Variants in SAMD5 observed in about 807,000 individuals in gnomAD.
The protein encoded by SAMD5 is sterile alpha motif domain containing 5, also known as sterile alpha motif domain-containing protein 5.
A neutral mutation model predicts 11.3 loss-of-function variants in SAMD5; 13 were observed. That is an observed-to-expected ratio of 1.15 (90% CI 0.75 to 1.83). The LOEUF is 1.83. Ranked by LOEUF, SAMD5 falls within the 40% of genes most tolerant of loss-of-function variation. The pLI, the probability that SAMD5 is intolerant of heterozygous loss-of-function variation, is 0.00. For missense variants in SAMD5, 255 were observed against 239.1 expected (o/e 1.07, Z -0.44); for synonymous variants, 129 against 111.3 (o/e 1.16, Z -1.00).
chr6:147,753,093 A>T, the SAMD5 span, among the ~76,000 whole-genome samples: 2 of 152,238 alleles, frequency 1.3e-5, no homozygotes, highest in African/African-American at 4.8e-5. Context: ...TTGACAAAGA[A>T]ACATAACAGT....
chr6:147,925,524 T>G, the SAMD5 span, among the ~76,000 whole-genome samples: 1 of 152,014 alleles, frequency 6.6e-6, no homozygotes, highest in Non-Finnish European at 1.5e-5. Context: ...TCTAGTATCC[T>G]GGTTGTTGTC....
the SAMD5 span, among the ~76,000 whole-genome samples, chr6:147,949,243 G>A: frequency 1.3e-5 from 2 of 152,130 alleles, no homozygotes; most frequent in African/African-American, 4.8e-5. Context: ...AAGGCCAGGG[G>A]CTACTTAGTT....
chr6:147,509,445 C>G (rs1788054156), intron 1 of SAMD5, 58 bp downstream of exon 1: 1 of 1,444,774 alleles, frequency 6.9e-7, no homozygotes, highest in Non-Finnish European at 9.2e-7. Flanking sequence ...CACAGCCCAG[C>G]TGCCTGTGCC....
the SAMD5 span, among the ~76,000 whole-genome samples, chr6:147,881,881 A>G: frequency 0.016 from 2,381 of 152,298 alleles, 55 homozygotes; most frequent in African/African-American, 0.055. Flanking sequence ...TCGATGTGAG[A>G]AACTACCACA....
chr6:147,914,158 CTTTT>C, the SAMD5 span, among the ~76,000 whole-genome samples: 10 of 132,356 alleles, frequency 7.6e-5, no homozygotes, highest in Non-Finnish European at 6.5e-5. Flanking sequence ...GTTTTTGCGA[CTTTT>C]TTTTTTTTTT....
At chr6:147,823,758 G>A in the SAMD5 span, among the ~76,000 whole-genome samples, 3 of 152,088 alleles carry the variant, frequency 2.0e-5, no homozygotes, top group African/African-American at 7.2e-5. Flanking sequence ...TCCACCATGA[G>A]CATTTAAGTA....
the SAMD5 span, among the ~76,000 whole-genome samples, chr6:147,836,466 G>A: frequency 1.3e-4 from 20 of 152,152 alleles, no homozygotes; most frequent in African/African-American, 4.8e-4. Context: ...AAACATCGCA[G>A]CTTATCCTGG....
chr6:147,862,391 T>C, the SAMD5 span, among the ~76,000 whole-genome samples: 1 of 152,174 alleles, frequency 6.6e-6, no homozygotes, highest in Non-Finnish European at 1.5e-5. Flanking sequence ...TTATCAGTTC[T>C]CTTGATTGAG....
At chr6:147,781,336 T>C in the SAMD5 span, among the ~76,000 whole-genome samples, 9 of 151,934 alleles carry the variant, frequency 5.9e-5, no homozygotes, top group South Asian at 1.5e-3. Flanking sequence ...AAAAAAAAAA[T>C]TGTAGAGACA....
At chr6:147,633,522 G>C (rs1456667189) in intron 1 of SAMD5, among the ~76,000 whole-genome samples, 2 of 152,240 alleles carry the variant, frequency 1.3e-5, no homozygotes, top group East Asian at 3.9e-4. Context: ...GAGGGAGGAA[G>C]CTTATACCAC....
At chr6:147,887,890 G>A in the SAMD5 span, among the ~76,000 whole-genome samples, 6 of 152,204 alleles carry the variant, frequency 3.9e-5, no homozygotes, top group South Asian at 2.1e-4. Flanking sequence ...ATCTCATTGC[G>A]ATTTTAATTT....
At chr6:147,632,049 G>A (rs1790159320) in intron 1 of SAMD5, among the ~76,000 whole-genome samples, 2 of 152,206 alleles carry the variant, frequency 1.3e-5, no homozygotes, top group South Asian at 2.1e-4. Context: ...ATAGGTGGAA[G>A]TTTCAGTGGG....
chr6:147,564,755 C>G lies in SAMD5; in HGVS notation c.*299C>G, dbSNP rs2128444592. ...ATTTCTTGGCATTCTCCCTTCCATT[C>G]TTAATGAAAACAGATGAGGTTGGCT... is the stretch of plus-strand genomic sequence containing the variant. On this transcript the variant is annotated 3_prime_UTR_variant, in exon 2 of 2. Transcript: ENST00000367474. 9.6e-7 allele frequency: 1 copy of G among 1,044,572 alleles called. No homozygotes were observed. The allele number at this position is 1,044,572 out of a possible 1,614,324, so 64.7% of individuals were successfully genotyped here.
chr6:147,642,208 G>C (rs570225067), intron 1 of SAMD5, among the ~76,000 whole-genome samples: 2 of 152,270 alleles, frequency 1.3e-5, no homozygotes, highest in East Asian at 3.9e-4. Flanking sequence ...TCTGTTTTAA[G>C]AAGTCCATTT....
At chr6:147,918,114 A>T in the SAMD5 span, among the ~76,000 whole-genome samples, 84 of 152,158 alleles carry the variant, frequency 5.5e-4, no homozygotes, top group African/African-American at 1.9e-3. Flanking sequence ...TGATAGCTTG[A>T]TGGGGATGGC....
intron 1 of SAMD5, among the ~76,000 whole-genome samples, chr6:147,682,543 A>G (rs977020184): frequency 1.3e-5 from 2 of 152,256 alleles, no homozygotes; most frequent in Admixed American, 6.5e-5. Flanking sequence ...AGCTGTATGT[A>G]TGGTAAGGAG....
At chr6:147,594,690 G>C (rs921404742) in intron 1 of SAMD5, among the ~76,000 whole-genome samples, 4 of 152,132 alleles carry the variant, frequency 2.6e-5, no homozygotes, top group African/African-American at 9.7e-5. Context: ...AGCTTTACTT[G>C]GGGAAGATAA....
intron 1 of SAMD5, among the ~76,000 whole-genome samples, chr6:147,523,671 A>C (rs995033191): frequency 1.3e-5 from 2 of 152,236 alleles, no homozygotes; most frequent in African/African-American, 4.8e-5. Flanking sequence ...CTTTATGAAG[A>C]GAAAAGATTT....
intron 1 of SAMD5, among the ~76,000 whole-genome samples, chr6:147,730,957 A>T (rs998823914): frequency 7.2e-5 from 11 of 152,148 alleles, no homozygotes; most frequent in Non-Finnish European, 1.6e-4. Flanking sequence ...AGGAGCAAAA[A>T]TTGTCTGTTT....
Sources: allele counts gnomAD v4.1 joint callset (sites outside exome capture counted in the v4.1 genomes callset), GRCh38; gene constraint gnomAD v4.1.1; transcripts MANE v1.5; gene names NCBI Gene and HGNC (gene_info 2026-07-23, HGNC 2026-07-21).